Variants in ZNF804B observed in about 807,000 individuals in gnomAD.
The protein encoded by ZNF804B is zinc finger 804B.
ZNF804B carries 80 observed loss-of-function variants against 101.4 expected under a neutral mutation model. The ratio of observed to expected loss-of-function variants is 0.79; its 90% CI spans 0.66 to 0.95. The LOEUF (loss-of-function observed/expected upper bound fraction) is 0.95. Ranked by LOEUF, ZNF804B falls within the 40% of genes least tolerant of loss-of-function variation. ZNF804B has a pLI of 0.00. For synonymous variants in ZNF804B, 622 were observed against 558.8 expected (o/e 1.11, Z -1.59); for missense variants, 1,673 against 1,561.9 (o/e 1.07, Z -1.20).
At chr7:88,824,135 A>C (rs1171173513) in intron 1 of ZNF804B, among the ~76,000 whole-genome samples, 2 of 152,216 alleles carry the variant, frequency 1.3e-5, no homozygotes, top group Non-Finnish European at 2.9e-5. Context: ...TGAGAGCATT[A>C]GAAAAGACAA....
At chr7:88,794,255 T>C in intron 1 of ZNF804B, 2 of 1,613,770 alleles carry the variant, frequency 1.2e-6, no homozygotes, top group Non-Finnish European at 8.5e-7. Context: ...TACATGTTTA[T>C]AAATGTTGCC....
chr7:88,920,169 C>A (rs1792699345), intron 1 of ZNF804B, among the ~76,000 whole-genome samples: 7 of 152,158 alleles, frequency 4.6e-5, no homozygotes, highest in African/African-American at 1.7e-4. Flanking sequence ...AAAGAATTAT[C>A]ATAAATCAGA....
intron 2 of ZNF804B, among the ~76,000 whole-genome samples, chr7:89,300,133 G>A (rs556284135): frequency 2.6e-5 from 4 of 151,324 alleles, no homozygotes; most frequent in African/African-American, 4.9e-5. Context: ...GTACAGTTAC[G>A]GCCATGTCAC....
chr7:88,845,874 T>A (rs1317858721), intron 1 of ZNF804B, among the ~76,000 whole-genome samples: 1 of 152,152 alleles, frequency 6.6e-6, no homozygotes, highest in African/African-American at 2.4e-5. Flanking sequence ...TCTTAGGTTA[T>A]AATAAGCAAT....
At chr7:89,145,587 A>C (rs1222962148) in intron 1 of ZNF804B, among the ~76,000 whole-genome samples, 1 of 152,090 alleles carries the variant, frequency 6.6e-6, no homozygotes, top group East Asian at 1.9e-4. Flanking sequence ...TTTTTATTTA[A>C]GAAATGGCTT....
intron 1 of ZNF804B, among the ~76,000 whole-genome samples, chr7:89,110,095 C>T (rs1037835910): frequency 2.6e-5 from 4 of 151,952 alleles, no homozygotes; most frequent in Non-Finnish European, 4.4e-5. Flanking sequence ...GAGAAAAAAA[C>T]GAGAGTACAG....
intron 1 of ZNF804B, among the ~76,000 whole-genome samples, chr7:89,196,581 A>G (rs1329965777): frequency 6.6e-6 from 1 of 152,078 alleles, no homozygotes; most frequent in East Asian, 1.9e-4. Flanking sequence ...ATTTCATGAG[A>G]GAGATGCCAA....
chr7:89,013,619 A>T (rs1259012686), intron 1 of ZNF804B, among the ~76,000 whole-genome samples: 1 of 152,230 alleles, frequency 6.6e-6, no homozygotes, highest in Admixed American at 6.5e-5. Context: ...TCAAACATTT[A>T]TCATTTCTTT....
At chr7:89,295,682 G>T (rs746720790) in intron 2 of ZNF804B, among the ~76,000 whole-genome samples, 93 of 151,884 alleles carry the variant, frequency 6.1e-4, no homozygotes, top group Non-Finnish European at 1.0e-3. Flanking sequence ...AATTTGAATC[G>T]ATCTCAAGGT....
At chr7:89,137,122 A>T (rs1790648776) in intron 1 of ZNF804B, among the ~76,000 whole-genome samples, 1 of 152,006 alleles carries the variant, frequency 6.6e-6, no homozygotes, top group African/African-American at 2.4e-5. Flanking sequence ...CTAATACAAT[A>T]AATTGGTACC....
intron 1 of ZNF804B, among the ~76,000 whole-genome samples, chr7:88,854,446 T>TCTTA (rs1562812691): frequency 8.0e-6 from 1 of 125,494 alleles, no homozygotes; most frequent in East Asian, 2.4e-4. Flanking sequence ...TTTCTTTCTT[T>TCTTA]CTTTCTTTCT....
At chr7:89,182,990 G>T (rs1788319823) in intron 1 of ZNF804B, among the ~76,000 whole-genome samples, 1 of 152,144 alleles carries the variant, frequency 6.6e-6, no homozygotes. Flanking sequence ...ATGCAAGGAA[G>T]AAATTAAGAA....
chr7:89,115,902 T>TG (rs1055207387), intron 1 of ZNF804B, among the ~76,000 whole-genome samples: 2 of 54,078 alleles, frequency 3.7e-5, no homozygotes, highest in African/African-American at 1.0e-4. Flanking sequence ...ACAGGTTTTT[T>TG]TGTTTTTTTT....
At chr7:88,973,694 G>A (rs1027225710) in intron 1 of ZNF804B, among the ~76,000 whole-genome samples, 1 of 151,238 alleles carries the variant, frequency 6.6e-6, no homozygotes, top group African/African-American at 2.4e-5. Flanking sequence ...GAGAAAAGGT[G>A]TATTTTATTG....
Position 89,335,508 on chromosome 7 carries a change from A to AG in ZNF804B, c.2526_2527insG (p.Pro843AlafsTer3). ...TTTCCTGTACTGGAAGCAGTAAAAA[A>AG]CCACCTAATTGCCAGGGAACTCAGC... On this transcript the variant is annotated frameshift_variant, in exon 4 of 4. Coordinates refer to ENST00000333190, the MANE Select transcript of ZNF804B (RefSeq NM_181646.5). LOFTEE classifies it high-confidence loss of function. The AG allele has an allele frequency of 6.2e-7, 1 of 1,613,934 alleles. No individual in the cohort carries two copies. Among genetic ancestry groups the AG allele is most frequent in the Non-Finnish European group, 8.5e-7 (1 of 1,179,944 alleles).
intron 1 of ZNF804B, among the ~76,000 whole-genome samples, chr7:88,919,968 C>T (rs1320534742): frequency 3.3e-5 from 5 of 152,026 alleles, no homozygotes; most frequent in Non-Finnish European, 7.4e-5. Flanking sequence ...CATCCAAGAG[C>T]TCTGAGCCTG....
At chr7:89,089,930 A>G (rs1789857332) in intron 1 of ZNF804B, among the ~76,000 whole-genome samples, 1 of 152,120 alleles carries the variant, frequency 6.6e-6, no homozygotes, top group Admixed American at 6.5e-5. Context: ...CCAAAGATCT[A>G]TGTGTTTGAA....
intron 2 of ZNF804B, among the ~76,000 whole-genome samples, chr7:89,302,890 A>G (rs886148186): frequency 3.9e-5 from 6 of 151,956 alleles, no homozygotes; most frequent in Non-Finnish European, 7.4e-5. Flanking sequence ...TGGTTTTACC[A>G]TTGCTCACAG....
At chr7:88,777,713 T>G (rs3916636) in intron 1 of ZNF804B, among the ~76,000 whole-genome samples, 10,273 of 151,814 alleles carry the variant, frequency 0.068, 485 homozygotes, top group South Asian at 0.18. Context: ...CCAGGTGTGG[T>G]GGCATGTGTC....
Sources: gnomAD v4.1 joint callset for allele counts (sites outside exome capture counted in the v4.1 genomes callset) on GRCh38, gnomAD v4.1.1 for gene constraint, MANE v1.5 for transcripts, NCBI Gene and HGNC (gene_info 2026-07-23, HGNC 2026-07-21) for gene names.